Variants in TTLL6 observed in about 807,000 individuals in gnomAD.
The protein encoded by TTLL6 is tubulin polyglutamylase TTLL6.
In TTLL6, 75 loss-of-function variants were observed where a neutral mutation model predicts 96.4. The observed-to-expected ratio is 0.78, with a 90% CI of 0.65 to 0.94. TTLL6 has a LOEUF of 0.94. Among genes scored for constraint, TTLL6 ranks in the 40% least tolerant of loss-of-function variants. TTLL6 has a pLI of 0.00. For missense variants in TTLL6, 1,030 were observed against 1,093.0 expected, an observed-to-expected ratio of 0.94 and a Z score of 0.81; for synonymous variants, 411 against 419.4, an observed-to-expected ratio of 0.98 and a Z score of 0.24.
chr17:48,813,781 T>TA (rs1177348820), intron 1 of TTLL6, among the ~76,000 whole-genome samples: 2 of 152,156 alleles, frequency 1.3e-5, no homozygotes, highest in African/African-American at 2.4e-5. Context: ...ATTAAGGGTG[T>TA]AATTAGAATA....
At chr17:48,802,602 G>A (rs4793602) in intron 3 of TTLL6, among the ~76,000 whole-genome samples, 88,610 of 152,028 alleles carry the variant, frequency 0.58, 26,843 homozygotes, top group Middle Eastern at 0.7. Context: ...TGGGCACAGC[G>A]GCTCACGCCT....
chr17:48,768,733 G>A (rs1261341430), intron 15 of TTLL6, among the ~76,000 whole-genome samples: 1 of 151,824 alleles, frequency 6.6e-6, no homozygotes, highest in East Asian at 1.9e-4. Flanking sequence ...TAGAGATGGG[G>A]TCTCCCTTAT....
At chr17:48,808,374 A>ATGTGTGTGTGTGTGTGTG (rs149038470) in intron 1 of TTLL6, among the ~76,000 whole-genome samples, 29 of 148,706 alleles carry the variant, frequency 2.0e-4, no homozygotes, top group African/African-American at 6.9e-4. Flanking sequence ...TCTCATATGT[A>ATGTGTGTGTGTGTGTGTG]TGTGTGTGTG....
Position 48,801,621 on chromosome 17 carries a change from G to C in TTLL6, c.384C>G (p.Tyr128Ter). 1.9e-6 allele frequency: 3 copies of C among 1,551,602 alleles called. No individual in the cohort carries two copies. The highest frequency in any genetic ancestry group is 2.6e-6 in the Non-Finnish European group (3 of 1,146,952). ...YESVRRAAQQ[Y>*]GFREGGEDDD... The stretch of plus-strand genomic sequence containing the variant: ...CGTCTTCCCCTCCCTCTCTAAAGCC[G>C]TACTGTTGGGCAGCCCTGCGCACTA... Residue 128 changes from tyrosine to a stop codon, truncating the protein, a stop_gained, in exon 4 of 16, where the codon TAC becomes TAG. Transcript: ENST00000393382. LOFTEE classifies it high-confidence loss of function.
At chr17:48,781,323 A>T (rs1157564526) in intron 13 of TTLL6, among the ~76,000 whole-genome samples, 4 of 152,206 alleles carry the variant, frequency 2.6e-5, no homozygotes. Context: ...CTGGGATTAC[A>T]GGCATGAGCC....
At chr17:48,805,462 C>T (rs1457952283) in intron 1 of TTLL6, among the ~76,000 whole-genome samples, 1 of 152,124 alleles carries the variant, frequency 6.6e-6, no homozygotes, top group Non-Finnish European at 1.5e-5. Context: ...AACTGCCGCT[C>T]GTGGAGTACA....
intron 1 of TTLL6, 141 bp downstream of exon 1, chr17:48,816,829 C>T (rs1013677816): frequency 5.3e-6 from 3 of 563,648 alleles, no homozygotes; most frequent in Middle Eastern, 4.8e-4. Context: ...CGCCATGGAA[C>T]GCCACCAGGG....
At chr17:48,802,040 A>C (rs564974427) in intron 3 of TTLL6, among the ~76,000 whole-genome samples, 1 of 146,872 alleles carries the variant, frequency 6.8e-6, no homozygotes, top group East Asian at 2.0e-4. Context: ...AGACCCTGTC[A>C]AAAAAAAAAG....
chr17:48,777,048 A>ACACACACACC (rs553043046), intron 13 of TTLL6, among the ~76,000 whole-genome samples: 17 of 148,424 alleles, frequency 1.1e-4, no homozygotes, highest in South Asian at 6.9e-4. Flanking sequence ...ACACACACAC[A>ACACACACACC]CCCCTAAAAA....
rs757694105 is a variant in TTLL6 at position 48,786,217 on chromosome 17, A to G, written c.1708T>C (p.Trp570Arg). Residue 570 changes from tryptophan to arginine, a missense_variant, in exon 12 of 16, where the codon TGG becomes CGG. By Grantham distance (101) the Trp-to-Arg change is moderately radical (BLOSUM62 -3). Transcript: ENST00000393382. ...TCTTTCTGCTGTTGTTTCTGTTGCC[A>G]GCCCCTCATGCCCTTCTTTCTCACT... is the stretch of plus-strand genomic sequence containing the variant. ...EQVRKKGMRGWQQKQQQKDKA... is the reference protein window; with the variant it reads ...EQVRKKGMRGRQQKQQQKDKA... 14 of 1,614,060 alleles carry G rather than the reference A, an allele frequency of 8.7e-6. No individual in the cohort carries two copies. Among genetic ancestry groups the G allele is most frequent in the Non-Finnish European group, 1.2e-5 (14 of 1,180,044 alleles).
In TTLL6 at chr17:48,769,920, T is replaced by C. The variant is rs2038702448; in HGVS notation, c.2218A>G (p.Met740Val). The change falls in exon 14 of 16, where the codon ATG becomes GTG. Residue 740 changes from methionine (M) to valine (V), a missense_variant. Met to Val is a conservative substitution (Grantham distance 21). Transcript: ENST00000393382. Reference sequence around the variant, plus strand: ...TTTGTGGGCAGAAAAGATTTTAACATTTTCTTCTGGGTTAAGTGTGGAGGG... The same window carrying C: ...TTTGTGGGCAGAAAAGATTTTAACACTTTCTTCTGGGTTAAGTGTGGAGGG... ...QTPPHLTQKK[M>V]LKSFLPTKSK... 1 of 1,614,066 alleles carries C rather than the reference T, an allele frequency of 6.2e-7. No homozygotes were observed. Among genetic ancestry groups the C allele is most frequent in the South Asian group, 1.1e-5 (1 of 91,082 alleles).
chr17:48,814,304 G>A (rs2039634406), intron 1 of TTLL6, among the ~76,000 whole-genome samples: 1 of 138,008 alleles, frequency 7.2e-6, no homozygotes, highest in South Asian at 2.4e-4. Flanking sequence ...GGGTGACAGA[G>A]GGAGACAGTG....
intron 15 of TTLL6, among the ~76,000 whole-genome samples, chr17:48,766,894 T>C (rs2038623014): frequency 6.6e-6 from 1 of 151,950 alleles, no homozygotes; most frequent in African/African-American, 2.4e-5. Flanking sequence ...GGTCTACATG[T>C]AAGACAAGTA....
chr17:48,786,831 C>CTT (rs11446945), intron 11 of TTLL6, among the ~76,000 whole-genome samples: 16,708 of 122,196 alleles, frequency 0.14, 2,095 homozygotes, highest in East Asian at 0.65. Context: ...CTTCTGTCAT[C>CTT]TTTTTTTTTT....
chr17:48,762,987 A>T lies in TTLL6; in HGVS notation c.*1-14T>A, dbSNP rs1046929205. On this transcript the variant is annotated splice_polypyrimidine_tract_variant and intron_variant, in intron 15 of 15. Transcript: ENST00000393382. ...TCCAGTCTGATTCTGGAAAAAAAAAATTTTTTTTTTAGATTTTCCTTTAAA... is the reference window on the plus strand; with the variant it reads ...TCCAGTCTGATTCTGGAAAAAAAAATTTTTTTTTTTAGATTTTCCTTTAAA... 1.0e-4 allele frequency: 42 copies of T among 415,928 alleles called. No individual in the cohort carries two copies. The highest frequency in any genetic ancestry group is 1.6e-4 in the South Asian group (9 of 56,976). The allele number at this position is 415,928 out of a possible 1,614,324, so 25.8% of individuals were successfully genotyped here.
At chr17:48,810,223 A>G (rs2039560810) in intron 1 of TTLL6, among the ~76,000 whole-genome samples, 1 of 151,992 alleles carries the variant, frequency 6.6e-6, no homozygotes, top group Non-Finnish European at 1.5e-5. Context: ...TCATGCATGT[A>G]AAGTAAAAAA....
intron 1 of TTLL6, among the ~76,000 whole-genome samples, chr17:48,816,342 AT>A (rs1453940873): frequency 6.6e-6 from 1 of 151,876 alleles, no homozygotes; most frequent in Non-Finnish European, 1.5e-5. Context: ...TAAATATTAA[AT>A]TTTTTTGGAG....
chr17:48,770,168 A>C (rs529244451), intron 13 of TTLL6, 71 bp from the exon 14 acceptor site: 56 of 1,498,414 alleles, frequency 3.7e-5, no homozygotes, highest in Non-Finnish European at 4.8e-5. Flanking sequence ...TTTTTTTTTT[A>C]TTTTTATTTT....
At chr17:48,774,096 C>CAAAAAAAAAAAAAAAA (rs1286139436) in intron 13 of TTLL6, among the ~76,000 whole-genome samples, 8 of 44,164 alleles carry the variant, frequency 1.8e-4, no homozygotes, top group African/African-American at 2.3e-4. Context: ...AAAAACAAAA[C>CAAAAAAAAAAAAAAAA]AAAAAAAAAA....
Sources: gnomAD v4.1 joint callset for allele counts (sites outside exome capture counted in the v4.1 genomes callset) on GRCh38, gnomAD v4.1.1 for gene constraint, MANE v1.5 for transcripts, NCBI Gene and HGNC (gene_info 2026-07-23, HGNC 2026-07-21) for gene names.